The following DAB1 variants were observed in gnomAD, a reference collection of about 807,000 sequenced individuals.
The protein encoded by DAB1 is disabled homolog 1.
Under a neutral mutation model 64.6 loss-of-function variants are expected in DAB1, and 15 were observed. The observed-to-expected ratio is 0.23, with a 90% CI of 0.16 to 0.36. The LOEUF (loss-of-function observed/expected upper bound fraction) is 0.36, where lower values mean the gene tolerates loss of function less well. Ranked by LOEUF, DAB1 falls within the 10% of genes least tolerant of loss-of-function variation. DAB1 has a pLI of 1.00. For missense variants in DAB1, 596 were observed against 706.7 expected, an observed-to-expected ratio of 0.84 and a Z score of 1.78; for synonymous variants, 235 against 251.9, an observed-to-expected ratio of 0.93 and a Z score of 0.64.
chr1:57,101,979 G>A (rs976589496), intron 4 of DAB1, among the ~76,000 whole-genome samples: 1 of 152,186 alleles, frequency 6.6e-6, no homozygotes, highest in Non-Finnish European at 1.5e-5. Flanking sequence ...TTGAATCCAG[G>A]CTGTCTGGCT....
At chr1:57,820,168 G>A (rs1038842369) in intron 6 of DAB1, among the ~76,000 whole-genome samples, 3 of 152,122 alleles carry the variant, frequency 2.0e-5, no homozygotes, top group Admixed American at 6.5e-5. Flanking sequence ...CATGATGCTC[G>A]GGCCCAAAGA....
At chr1:57,687,027 C>T (rs1176965531) in intron 6 of DAB1, among the ~76,000 whole-genome samples, 2 of 152,068 alleles carry the variant, frequency 1.3e-5, no homozygotes, top group African/African-American at 2.4e-5. Context: ...TCAACATAGT[C>T]CTGGAAGATT....
intron 1 of DAB1, among the ~76,000 whole-genome samples, chr1:57,405,634 A>G (rs1027512106): frequency 6.6e-6 from 1 of 152,226 alleles, no homozygotes; most frequent in Non-Finnish European, 1.5e-5. Flanking sequence ...AAAGACCTAC[A>G]TGAGTCCAGT....
At chr1:58,374,947 G>C (rs1245002320) in intron 3 of DAB1, among the ~76,000 whole-genome samples, 13 of 136,156 alleles carry the variant, frequency 9.5e-5, no homozygotes, top group Admixed American at 2.9e-4. Context: ...AAGCAATTGT[G>C]AATGGGAGTT....
intron 1 of DAB1, among the ~76,000 whole-genome samples, chr1:57,371,320 A>G (rs1317943651): frequency 6.6e-6 from 1 of 152,188 alleles, no homozygotes; most frequent in Non-Finnish European, 1.5e-5. Flanking sequence ...GTCTGATGGC[A>G]TATGGCCATG....
intron 1 of DAB1, among the ~76,000 whole-genome samples, chr1:57,872,580 G>A: frequency 6.6e-6 from 1 of 152,172 alleles, no homozygotes; most frequent in East Asian, 1.9e-4. Flanking sequence ...TTCTTTGAAT[G>A]CAGCAAGAAA....
At chr1:57,444,020 T>C (rs1393401464) in intron 7 of DAB1, among the ~76,000 whole-genome samples, 1 of 152,168 alleles carries the variant, frequency 6.6e-6, no homozygotes, top group East Asian at 1.9e-4. Context: ...ATCTGCCCCA[T>C]CATCAGCTTA....
At chr1:57,413,605 A>G (rs1684274151) in intron 1 of DAB1, among the ~76,000 whole-genome samples, 1 of 151,822 alleles carries the variant, frequency 6.6e-6, no homozygotes, top group Non-Finnish European at 1.5e-5. Flanking sequence ...TTAGCCGGGC[A>G]TGGTGGCAGG....
At chr1:58,387,742 T>G (rs1431034183) in intron 3 of DAB1, among the ~76,000 whole-genome samples, 1 of 122,216 alleles carries the variant, frequency 8.2e-6, no homozygotes, top group African/African-American at 3.4e-5. Context: ...TTTTTTTTTT[T>G]GAGACAGAGT....
At chr1:57,756,861 C>T (rs1054680643) in intron 6 of DAB1, among the ~76,000 whole-genome samples, 9 of 152,138 alleles carry the variant, frequency 5.9e-5, no homozygotes, top group African/African-American at 9.6e-5. Context: ...CTTTCCCTAC[C>T]ATATGTAAGG....
chr1:57,734,141 A>G (rs1647570429), intron 6 of DAB1, among the ~76,000 whole-genome samples: 1 of 152,118 alleles, frequency 6.6e-6, no homozygotes, highest in Admixed American at 6.5e-5. Context: ...TTTATCTTGA[A>G]ACTTTGTTCA....
chr1:58,456,523 G>C (rs1569823717), intron 3 of DAB1, among the ~76,000 whole-genome samples: 1 of 152,186 alleles, frequency 6.6e-6, no homozygotes, highest in South Asian at 2.1e-4. Flanking sequence ...TGGCAATGGA[G>C]GAGTGTGAGG....
intron 12 of DAB1, among the ~76,000 whole-genome samples, chr1:57,011,886 G>C (rs1330491010): frequency 2.6e-5 from 4 of 152,164 alleles, no homozygotes; most frequent in African/African-American, 9.7e-5. Context: ...GCACATAGGA[G>C]GTATTCAATA....
intron 3 of DAB1, among the ~76,000 whole-genome samples, chr1:58,438,108 A>G (rs1644965433): frequency 2.6e-5 from 4 of 152,118 alleles, no homozygotes. Flanking sequence ...CGGTGGCTGC[A>G]ATCCGTCTGT....
At chr1:58,125,948 C>A (rs117099948) in intron 5 of DAB1, among the ~76,000 whole-genome samples, 1 of 152,094 alleles carries the variant, frequency 6.6e-6, no homozygotes, top group East Asian at 1.9e-4. Context: ...ATGACAGGCC[C>A]CAGGAGGAAG....
chr1:58,111,000 G>A (rs1255071766), intron 5 of DAB1, among the ~76,000 whole-genome samples: 1 of 152,160 alleles, frequency 6.6e-6, no homozygotes, highest in Non-Finnish European at 1.5e-5. Context: ...CCAGGGAATT[G>A]TGCATCACTA....
intron 3 of DAB1, among the ~76,000 whole-genome samples, chr1:58,425,274 G>T (rs546655353): frequency 9.9e-5 from 15 of 152,180 alleles, no homozygotes; most frequent in Non-Finnish European, 1.6e-4. Flanking sequence ...CTGCCAGAAA[G>T]TCCTGAAGCC....
chr1:58,355,363 A>T (rs1644100197), intron 3 of DAB1, among the ~76,000 whole-genome samples: 1 of 152,192 alleles, frequency 6.6e-6, no homozygotes, highest in Non-Finnish European at 1.5e-5. Context: ...GATAGAGTGT[A>T]CCTTTGGTGG....
chr1:58,528,366 T>G (rs1259848605), intron 1 of DAB1, among the ~76,000 whole-genome samples: 1 of 152,194 alleles, frequency 6.6e-6, no homozygotes, highest in East Asian at 1.9e-4. Flanking sequence ...ATGAAGCTAG[T>G]AACAGTTCCA....
Sources: allele counts gnomAD v4.1 joint callset (sites outside exome capture counted in the v4.1 genomes callset), GRCh38; gene constraint gnomAD v4.1.1; transcripts MANE v1.5; gene names NCBI Gene and HGNC (gene_info 2026-07-23, HGNC 2026-07-21).